The following CSMD1 variants were observed in gnomAD, a reference collection of about 807,000 sequenced individuals.
CSMD1 encodes CUB and Sushi multiple domains 1, also known as CUB and sushi domain-containing protein 1.
A neutral mutation model predicts 417.5 loss-of-function variants in CSMD1; 213 were observed. The ratio of observed to expected loss-of-function variants is 0.51; its 90% CI spans 0.46 to 0.57. CSMD1 has a LOEUF of 0.57. CSMD1 is among the 20% of genes least tolerant of loss of function. The pLI is 0.00. For missense variants in CSMD1, 6,923 were observed against 4,529.7 expected (o/e 1.53, Z -15.17); for synonymous variants, 2,862 against 1,736.8 (o/e 1.65, Z -16.11).
chr8:4,202,102 TG>T (rs1338812497), intron 3 of CSMD1, among the ~76,000 whole-genome samples: 1 of 151,716 alleles, frequency 6.6e-6, no homozygotes, highest in African/African-American at 2.4e-5. Context: ...TTTGTTTTTT[TG>T]TTAGTTTTTT....
intron 5 of CSMD1, among the ~76,000 whole-genome samples, chr8:3,893,208 G>C (rs1277983071): frequency 6.6e-6 from 1 of 151,106 alleles, no homozygotes; most frequent in Non-Finnish European, 1.5e-5. Flanking sequence ...GAAATAAAGT[G>C]ACTAGAAACC....
At chr8:3,541,187 T>C (rs1430532234) in intron 10 of CSMD1, among the ~76,000 whole-genome samples, 1 of 152,220 alleles carries the variant, frequency 6.6e-6, no homozygotes, top group Non-Finnish European at 1.5e-5. Flanking sequence ...CACCATGGAA[T>C]GCTATGCAGC....
At chr8:3,603,366 G>T (rs183390244) in intron 8 of CSMD1, among the ~76,000 whole-genome samples, 1 of 152,092 alleles carries the variant, frequency 6.6e-6, no homozygotes, top group Non-Finnish European at 1.5e-5. Flanking sequence ...CAATGGCAGG[G>T]GACTTAGGCG....
At chr8:4,116,595 A>G (rs1441145857) in intron 3 of CSMD1, among the ~76,000 whole-genome samples, 2 of 135,788 alleles carry the variant, frequency 1.5e-5, no homozygotes, top group African/African-American at 5.6e-5. Flanking sequence ...ACAGTGATGT[A>G]TGAGTGCAGG....
intron 3 of CSMD1, among the ~76,000 whole-genome samples, chr8:4,261,472 C>G (rs28367506): frequency 2.0e-5 from 3 of 152,074 alleles, no homozygotes; most frequent in African/African-American, 7.2e-5. Context: ...TGCATCAGCC[C>G]TGGGATCTAA....
At chr8:3,373,368 A>AT (rs1174059838) in intron 18 of CSMD1, 1 of 152,278 alleles carries the variant, frequency 6.6e-6, no homozygotes, top group African/African-American at 2.4e-5. Context: ...ACAGAAAGTT[A>AT]GAGATAAAGC....
At chr8:4,555,377 T>C (rs1459148111) in intron 2 of CSMD1, among the ~76,000 whole-genome samples, 2 of 152,232 alleles carry the variant, frequency 1.3e-5, no homozygotes, top group East Asian at 1.9e-4. Context: ...ACGGGGAATG[T>C]CGTGGGCCAT....
intron 1 of CSMD1, among the ~76,000 whole-genome samples, chr8:4,918,044 G>T (rs1316244560): frequency 6.6e-6 from 1 of 152,134 alleles, no homozygotes; most frequent in Non-Finnish European, 1.5e-5. Flanking sequence ...ACTAGACTTT[G>T]TGATGTTTAA....
intron 5 of CSMD1, among the ~76,000 whole-genome samples, chr8:3,968,090 G>C (rs1466730424): frequency 1.3e-5 from 2 of 151,584 alleles, no homozygotes; most frequent in Non-Finnish European, 2.9e-5. Context: ...GGCAGGCTGA[G>C]GCAGGAGAAT....
chr8:4,626,578 T>C (rs1365684666), intron 2 of CSMD1, among the ~76,000 whole-genome samples: 2 of 152,068 alleles, frequency 1.3e-5, no homozygotes, highest in Non-Finnish European at 2.9e-5. Context: ...ACTCAGGGCA[T>C]GGAGCCAAGG....
At chr8:3,477,238 C>T (rs771895230) in intron 11 of CSMD1, among the ~76,000 whole-genome samples, 2 of 152,196 alleles carry the variant, frequency 1.3e-5, no homozygotes, top group South Asian at 2.1e-4. Context: ...GGGTATGTAC[C>T]TGAATTTTAA....
Position 2,938,689 on chromosome 8 carries a change from G to C in CSMD1, c.10591C>G (p.Gln3531Glu), listed in dbSNP as rs762064948. ...GYAGHENSNGQASFENPMYDT... is the reference protein window; with the variant it reads ...GYAGHENSNGEASFENPMYDT... ...TACATGGGGTTTTCAAACGATGCTT[G>C]TCCATTGCTGTTTTCATGCCCAGCA... is the stretch of plus-strand genomic sequence containing the variant. Residue 3531 changes from glutamine (Q) to glutamate (E), a missense_variant, in exon 70 of 70, where the codon CAA (glutamine) becomes GAA (glutamate). Gln to Glu is a conservative substitution (Grantham distance 29). Transcript: ENST00000635120. 4 of 1,611,812 alleles carry C rather than the reference G, an allele frequency of 2.5e-6. No individual in the cohort carries two copies. Among genetic ancestry groups the C allele is most frequent in the Middle Eastern group, 1.6e-4 (1 of 6,062 alleles).
chr8:4,708,675 T>C (rs1334318261), intron 1 of CSMD1, among the ~76,000 whole-genome samples: 2 of 131,474 alleles, frequency 1.5e-5, no homozygotes, highest in Admixed American at 7.2e-5. Flanking sequence ...ACCAGATTCA[T>C]TTTTTTTTTT....
At chr8:4,574,466 C>G (rs1173024897) in intron 2 of CSMD1, among the ~76,000 whole-genome samples, 1 of 152,166 alleles carries the variant, frequency 6.6e-6, no homozygotes, top group Non-Finnish European at 1.5e-5. Context: ...ACTTTCTAAC[C>G]AGTCCCAGTG....
At position 2,936,519 on chromosome 8, in the gene CSMD1, C is replaced by G. The variant is rs1801499166; in HGVS notation, c.*2066G>C. On this transcript the variant is annotated 3_prime_UTR_variant, in exon 70 of 70. Transcript: ENST00000635120. ...GAGCACGACTCCCGCTGACCTCGTCCCGTCTACTGTGAAACAGCAATGTAA... is the reference window on the plus strand; with the variant it reads ...GAGCACGACTCCCGCTGACCTCGTCGCGTCTACTGTGAAACAGCAATGTAA... 1 of 152,070 alleles carries G rather than the reference C, an allele frequency of 6.6e-6. No homozygotes were observed. The highest frequency in any genetic ancestry group is 6.6e-5 in the Admixed American group (1 of 15,244). 9.4% of individuals were successfully genotyped at this position (152,070 alleles called of 1,614,324 possible). A position where few individuals can be genotyped will look rare whatever the true frequency, so the allele number is the denominator to read the frequency against.
Position 4,477,993 on chromosome 8 carries a change from T to C in CSMD1, c.303-57928A>G, listed in dbSNP as rs188654045. Among the ~76,000 whole-genome samples the C allele has an allele frequency of 2.8e-4, 43 of 152,338 alleles. No individual in the cohort carries two copies. In the East Asian group the frequency reaches 6.4e-3, roughly 23 times the overall value. Reference sequence around the variant, plus strand: ...CCATTTCTATCCATGCAGAAAACTGTTAAGTACCGGGAACTCAGTGAATTC... The same window carrying C: ...CCATTTCTATCCATGCAGAAAACTGCTAAGTACCGGGAACTCAGTGAATTC... On this transcript the variant is annotated intron_variant, in intron 2 of 69. Coordinates refer to ENST00000635120, the MANE Select transcript of CSMD1 (RefSeq NM_033225.6).
At chr8:3,239,754 C>A (rs79093447) in intron 26 of CSMD1, among the ~76,000 whole-genome samples, 7 of 152,118 alleles carry the variant, frequency 4.6e-5, no homozygotes, top group South Asian at 2.1e-4. Flanking sequence ...TGGAACTGCC[C>A]TCAATAAACC....
chr8:4,472,864 A>T (rs1800613358), intron 2 of CSMD1, among the ~76,000 whole-genome samples: 1 of 151,996 alleles, frequency 6.6e-6, no homozygotes, highest in Non-Finnish European at 1.5e-5. Context: ...ATGATTAAAC[A>T]TAGTTATTCA....
At chr8:3,387,984 C>T (rs1051232632) in intron 17 of CSMD1, among the ~76,000 whole-genome samples, 8 of 152,170 alleles carry the variant, frequency 5.3e-5, no homozygotes, top group African/African-American at 1.9e-4. Context: ...ATGAATTGCA[C>T]TAAATAAAGT....
Sources: allele counts gnomAD v4.1 joint callset (sites outside exome capture counted in the v4.1 genomes callset), GRCh38; gene constraint gnomAD v4.1.1; transcripts MANE v1.5; gene names NCBI Gene and HGNC (gene_info 2026-07-23, HGNC 2026-07-21).